SLC13A4: variants seen among roughly 807,000 people sequenced by gnomAD.
SLC13A4 encodes solute carrier family 13 member 4.
A neutral mutation model predicts 72.7 loss-of-function variants in SLC13A4; 28 were observed. The ratio of observed to expected loss-of-function variants is 0.39; its 90% CI spans 0.29 to 0.53. The LOEUF is 0.53. Among genes scored for constraint, SLC13A4 ranks in the 20% least tolerant of loss-of-function variants. SLC13A4 has a pLI of 0.78. For missense variants in SLC13A4, 653 were observed against 788.0 expected (o/e 0.83, Z 2.05); for synonymous variants, 312 against 325.5 (o/e 0.96, Z 0.45).
chr7:135,686,119 T>C (rs776106307), intron 13 of SLC13A4, among the ~76,000 whole-genome samples: 1 of 152,246 alleles, frequency 6.6e-6, no homozygotes, highest in Non-Finnish European at 1.5e-5. Flanking sequence ...AACCAGTTTA[T>C]TTTGTTACCT....
At position 135,685,750 on chromosome 7, in the gene SLC13A4, T is replaced by C. The variant is rs1795608564; in HGVS notation, c.1447-67A>G. ...CACATCCCAGCTAGAGATCTTAGAC[T>C]TCAGAAGGTCAGGGATGTTGGAAGG... is the stretch of plus-strand genomic sequence containing the variant. On this transcript the variant is annotated intron_variant, in intron 13 of 15. Coordinates refer to ENST00000682651, the MANE Select transcript of SLC13A4 (RefSeq NM_001318192.2). 2.1e-6 allele frequency: 3 copies of C among 1,449,862 alleles called. No homozygotes were observed. In the Admixed American group the frequency reaches 5.3e-5, roughly 26 times the overall value. The allele number at this position is 1,449,862 out of a possible 1,614,324, so 89.8% of individuals were successfully genotyped here.
intron 1 of SLC13A4, among the ~76,000 whole-genome samples, chr7:135,725,388 T>C (rs1357248410): frequency 6.6e-6 from 1 of 152,238 alleles, no homozygotes; most frequent in Non-Finnish European, 1.5e-5. Context: ...ATGCAACTTT[T>C]ATCCCACTGG....
Position 135,715,173 on chromosome 7 carries a change from GTA to G in SLC13A4, c.228+6220_228+6221del, listed in dbSNP as rs1441657853. Reference sequence around the variant, plus strand: ...TATGAGTGTGTGAGAGTATATATGTGTATATGGGTATATAAGTGTGTATGAGT... The same window carrying G: ...TATGAGTGTGTGAGAGTATATATGTGTATGGGTATATAAGTGTGTATGAGT... On this transcript the variant is annotated intron_variant, in intron 2 of 15. Coordinates refer to ENST00000682651, the MANE Select transcript of SLC13A4 (RefSeq NM_001318192.2). 4.5e-4 allele frequency among the ~76,000 whole-genome samples: 69 copies of G among 151,828 alleles called. 1 individual carries two copies. The highest frequency in any genetic ancestry group is 3.4e-3 in the Middle Eastern group (1 of 294).
intron 2 of SLC13A4, among the ~76,000 whole-genome samples, chr7:135,718,919 T>C (rs1166972787): frequency 1.3e-5 from 2 of 152,242 alleles, no homozygotes. Flanking sequence ...ATAACCCATG[T>C]GCTCTGCCTT....
At chr7:135,718,088 C>CACACACGT (rs754511549) in intron 2 of SLC13A4, among the ~76,000 whole-genome samples, 7 of 149,546 alleles carry the variant, frequency 4.7e-5, no homozygotes, top group East Asian at 2.0e-4. Context: ...CACACACACA[C>CACACACGT]GCGCGCGCGC....
At chr7:135,691,818 G>T in intron 11 of SLC13A4, 173 bp from the exon 12 acceptor site, 1 of 562,892 alleles carries the variant, frequency 1.8e-6, no homozygotes, top group Non-Finnish European at 3.2e-6. Flanking sequence ...GATTTAATGG[G>T]CAATGGCGAA....
At chr7:135,688,560 T>C (rs1285379953) in intron 13 of SLC13A4, among the ~76,000 whole-genome samples, 2 of 152,156 alleles carry the variant, frequency 1.3e-5, no homozygotes, top group African/African-American at 4.8e-5. Flanking sequence ...CCCGGCCTAG[T>C]AAAGTGAAAT....
intron 15 of SLC13A4, 65 bp from the exon 16 acceptor site, chr7:135,681,765 C>T (rs1795508092): frequency 3.2e-6 from 5 of 1,569,038 alleles, no homozygotes; most frequent in Non-Finnish European, 4.3e-6. Context: ...CCCCAAGTCC[C>T]CCTTCTGTTC....
chr7:135,702,121 T>C (rs1156972902), intron 6 of SLC13A4: 1 of 170,224 alleles, frequency 5.9e-6, no homozygotes, highest in Non-Finnish European at 1.2e-5. Flanking sequence ...TTGTTTGTTT[T>C]AGAGACAGGG....
chr7:135,713,158 T>A (rs948018441), intron 2 of SLC13A4, among the ~76,000 whole-genome samples: 5 of 152,112 alleles, frequency 3.3e-5, no homozygotes, highest in African/African-American at 1.2e-4. Flanking sequence ...ATAACGAAGA[T>A]TGTTAGAGTT....
chr7:135,715,115 G>A (rs1264970239), intron 2 of SLC13A4, among the ~76,000 whole-genome samples: 1 of 151,760 alleles, frequency 6.6e-6, no homozygotes, highest in African/African-American at 2.4e-5. Context: ...GCGTGTATGA[G>A]TTTATGTGTG....
intron 7 of SLC13A4, 76 bp downstream of exon 7, chr7:135,701,604 T>G: frequency 6.9e-7 from 1 of 1,449,560 alleles, no homozygotes; most frequent in Non-Finnish European, 9.7e-7. Flanking sequence ...CCTTACGACT[T>G]CAAGACCAGT....
chr7:135,695,383 A>T lies in SLC13A4; in HGVS notation c.1004T>A (p.Leu335Gln). Residue 335 changes from leucine (L) to glutamine (Q), a missense_variant, in exon 9 of 16, where the codon CTG (leucine) becomes CAG (glutamine). Leu to Gln is a moderately radical substitution (Grantham distance 113). Coordinates refer to ENST00000682651, the MANE Select transcript of SLC13A4 (RefSeq NM_001318192.2). ...LVVSWFWMHWLFLGCNFKETC... is the reference protein window; with the variant it reads ...LVVSWFWMHWQFLGCNFKETC... The stretch of plus-strand genomic sequence containing the variant: ...TGGAACTCACTTGCAGCCCAGGAAC[A>T]GCCAGTGCATCCAGAACCAGCTGAC... 6.2e-7 allele frequency: 1 copy of T among 1,614,094 alleles called. No individual in the cohort carries two copies. The highest frequency in any genetic ancestry group is 8.5e-7 in the Non-Finnish European group (1 of 1,179,960).
Position 135,685,525 on chromosome 7 carries a change from G to C in SLC13A4, c.1605C>G (p.Ser535Arg), listed in dbSNP as rs550583985. The change falls in exon 14 of 16, where the codon AGC becomes AGG. Residue 535 changes from serine (S) to arginine (R), a missense_variant. Ser to Arg is a moderately radical substitution (Grantham distance 110). Transcript: ENST00000682651. ...TITIFLPILC[S>R]LSETLHINPL... Reference sequence around the variant, plus strand: ...CTGGGAGCTCCGCATTACTCACCAGGCTGCACAGGATGGGCAGGAAGATGG... The same window carrying C: ...CTGGGAGCTCCGCATTACTCACCAGCCTGCACAGGATGGGCAGGAAGATGG... The C allele has an allele frequency of 2.5e-6, 4 of 1,613,964 alleles. No individual in the cohort carries two copies. The highest frequency in any genetic ancestry group is 1.1e-5 in the South Asian group (1 of 91,048).
At chr7:135,718,125 C>T (rs1203292687) in intron 2 of SLC13A4, among the ~76,000 whole-genome samples, 5 of 117,262 alleles carry the variant, frequency 4.3e-5, no homozygotes, top group South Asian at 2.9e-4. Flanking sequence ...GTCTCCTCTT[C>T]GTTCTGTTTC....
intron 15 of SLC13A4, among the ~76,000 whole-genome samples, chr7:135,681,945 G>A (rs1795512434): frequency 6.6e-6 from 1 of 152,182 alleles, no homozygotes; most frequent in Admixed American, 6.5e-5. Context: ...AAGCCTAGAA[G>A]GTATGTTAGT....
intron 10 of SLC13A4, 49 bp downstream of exon 10, chr7:135,694,088 T>C (rs1795849986): frequency 8.9e-7 from 1 of 1,128,612 alleles, no homozygotes; most frequent in African/African-American, 1.5e-5. Context: ...TCACTTTACC[T>C]GCTGTGTTTC....
rs183373180 is a variant in SLC13A4, at chr7:135,718,418, G to A, written c.228+2977C>T. The stretch of plus-strand genomic sequence containing the variant: ...TACTGACACATTGTCAAGAAACACT[G>A]CAATCAAGAGCTGTGAATGAGGGCT... On this transcript the variant is annotated intron_variant, in intron 2 of 15. Transcript: ENST00000682651. Among the ~76,000 whole-genome samples, 424 of 152,138 alleles carry A rather than the reference G, an allele frequency of 2.8e-3. 1 individual carries two copies. Among genetic ancestry groups the A allele is most frequent in the Middle Eastern group, 3.4e-3 (1 of 294 alleles).
Position 135,727,595 on chromosome 7 carries a change from C to T in SLC13A4, c.-99G>A, listed in dbSNP as rs1407120520. ...CTCTATCCAGAAAGACTTCTTAAACCTTTCTTGGCTTCCGAGAGTCCTCCT... is the reference window on the plus strand; with the variant it reads ...CTCTATCCAGAAAGACTTCTTAAACTTTTCTTGGCTTCCGAGAGTCCTCCT... On this transcript the variant is annotated 5_prime_UTR_variant, in exon 1 of 16. Coordinates refer to ENST00000682651, the MANE Select transcript of SLC13A4 (RefSeq NM_001318192.2). The T allele has an allele frequency of 3.6e-6, 5 of 1,406,398 alleles. No individual in the cohort carries two copies. Among genetic ancestry groups the T allele is most frequent in the Non-Finnish European group, 4.7e-6 (5 of 1,058,040 alleles). 87.1% of individuals were successfully genotyped at this position (1,406,398 alleles called of 1,614,324 possible). A position where few individuals can be genotyped will look rare whatever the true frequency, so the allele number is the denominator to read the frequency against.
Sources: allele counts gnomAD v4.1 joint callset (sites outside exome capture counted in the v4.1 genomes callset), GRCh38; gene constraint gnomAD v4.1.1; transcripts MANE v1.5; gene names NCBI Gene and HGNC (gene_info 2026-07-23, HGNC 2026-07-21).